The following KCNIP4 variants were observed in gnomAD, a reference collection of about 807,000 sequenced individuals.
KCNIP4 encodes the protein Kv channel-interacting protein 4.
A neutral mutation model predicts 34.0 loss-of-function variants in KCNIP4; 12 were observed. The ratio of observed to expected loss-of-function variants is 0.35; its 90% confidence interval spans 0.23 to 0.57. The LOEUF is 0.57. Ranked by LOEUF, KCNIP4 falls within the 20% of genes least tolerant of loss-of-function variation. The pLI is 0.83. For missense variants in KCNIP4, 238 were observed against 311.7 expected, an observed-to-expected ratio of 0.76 and a Z score of 1.78; for synonymous variants, 124 against 102.2, an observed-to-expected ratio of 1.21 and a Z score of -1.29.
intron 1 of KCNIP4, among the ~76,000 whole-genome samples, chr4:21,371,650 T>A (rs1314796257): frequency 6.8e-6 from 1 of 147,228 alleles, no homozygotes; most frequent in African/African-American, 2.7e-5. Flanking sequence ...ATGTTAGTTG[T>A]TATTCTATAT....
chr4:21,655,276 C>T (rs1747831165), intron 1 of KCNIP4, among the ~76,000 whole-genome samples: 1 of 151,988 alleles, frequency 6.6e-6, no homozygotes, highest in South Asian at 2.1e-4. Context: ...GAGGAGATGG[C>T]TACTTAATAG....
chr4:21,501,715 T>TGTGTGTGTGC lies in KCNIP4; in HGVS notation c.61+446855_61+446856insGCACACACAC, dbSNP rs569245544. Among the ~76,000 whole-genome samples the TGTGTGTGTGC allele has an allele frequency of 2.7e-4, 40 of 150,852 alleles. 1 individual carries two copies. The South Asian group carries it at 6.2e-3, about 23-fold the overall frequency. On this transcript the variant is annotated intron_variant, in intron 1 of 8. Transcript: ENST00000382152. The stretch of plus-strand genomic sequence containing the variant: ...GTGTGTGTGTGTGTGTGTGTGTGTG[T>TGTGTGTGTGC]GCGTTGGAAGGGGCAGTTTATATGT...
intron 1 of KCNIP4, among the ~76,000 whole-genome samples, chr4:21,175,211 A>G (rs1170156266): frequency 6.6e-6 from 1 of 152,122 alleles, no homozygotes; most frequent in Non-Finnish European, 1.5e-5. Flanking sequence ...ATTTGGGACT[A>G]ATTTCCTTGA....
intron 1 of KCNIP4, among the ~76,000 whole-genome samples, chr4:20,962,550 T>A (rs1001429330): frequency 6.6e-6 from 1 of 152,230 alleles, no homozygotes; most frequent in Admixed American, 6.5e-5. Flanking sequence ...TTGTCAGGTA[T>A]ACATACAGAC....
At chr4:20,824,634 T>G (rs1359422224) in intron 3 of KCNIP4, among the ~76,000 whole-genome samples, 1 of 152,104 alleles carries the variant, frequency 6.6e-6, no homozygotes, top group Non-Finnish European at 1.5e-5. Context: ...GAGCCGAGAT[T>G]GCACTTCTGC....
At chr4:20,960,292 G>T (rs566715848) in intron 1 of KCNIP4, among the ~76,000 whole-genome samples, 14 of 152,180 alleles carry the variant, frequency 9.2e-5, no homozygotes, top group African/African-American at 3.1e-4. Context: ...GCCCTCCAGA[G>T]TTTTTAAAAA....
chr4:21,275,661 A>T (rs1307305052), intron 1 of KCNIP4, among the ~76,000 whole-genome samples: 1 of 152,230 alleles, frequency 6.6e-6, no homozygotes, highest in Non-Finnish European at 1.5e-5. Context: ...AATAAATAGT[A>T]GATGGCTGGG....
At chr4:21,527,836 TAGTG>T (rs1277970171) in intron 1 of KCNIP4, among the ~76,000 whole-genome samples, 1 of 152,124 alleles carries the variant, frequency 6.6e-6, no homozygotes, top group African/African-American at 2.4e-5. Flanking sequence ...TAGTCAAAAT[TAGTG>T]AGGTATGGTT....
At chr4:21,943,022 G>T (rs943352585) in intron 1 of KCNIP4, among the ~76,000 whole-genome samples, 1 of 152,190 alleles carries the variant, frequency 6.6e-6, no homozygotes, top group African/African-American at 2.4e-5. Flanking sequence ...GCCTCCCAAA[G>T]TGCTGAGATT....
At chr4:20,772,835 G>T (rs891866433) in intron 3 of KCNIP4, among the ~76,000 whole-genome samples, 2 of 151,784 alleles carry the variant, frequency 1.3e-5, no homozygotes, top group Admixed American at 6.6e-5. Context: ...TGGAGACGAG[G>T]TTTCACCATG....
At chr4:20,820,922 G>T (rs1002979214) in intron 3 of KCNIP4, among the ~76,000 whole-genome samples, 9 of 152,218 alleles carry the variant, frequency 5.9e-5, no homozygotes, top group African/African-American at 1.9e-4. Flanking sequence ...CACCCACCTG[G>T]TGCTAACTGC....
At chr4:21,106,697 C>CA (rs1748577160) in intron 1 of KCNIP4, among the ~76,000 whole-genome samples, 1 of 151,418 alleles carries the variant, frequency 6.6e-6, no homozygotes, top group African/African-American at 2.5e-5. Context: ...GTTAGGGTGT[C>CA]AGTTTTGGAT....
At chr4:21,280,128 G>A (rs144665883) in intron 1 of KCNIP4, among the ~76,000 whole-genome samples, 2,110 of 151,858 alleles carry the variant, frequency 0.014, 21 homozygotes, top group South Asian at 0.024. Context: ...TTCTTTTGTC[G>A]GCCTATGCAA....
intron 1 of KCNIP4, among the ~76,000 whole-genome samples, chr4:21,519,781 G>GTA (rs1345544300): frequency 2.3e-4 from 31 of 135,706 alleles, no homozygotes; most frequent in African/African-American, 8.1e-4. Context: ...ACACACGTGT[G>GTA]TGTATGTGTG....
chr4:20,788,315 C>G (rs1712271742), intron 3 of KCNIP4, among the ~76,000 whole-genome samples: 1 of 152,108 alleles, frequency 6.6e-6, no homozygotes, highest in South Asian at 2.1e-4. Flanking sequence ...CCCTGAAGTG[C>G]ATTAGAATAA....
At chr4:21,592,919 C>T (rs1033383744) in intron 1 of KCNIP4, among the ~76,000 whole-genome samples, 3 of 151,962 alleles carry the variant, frequency 2.0e-5, no homozygotes, top group Non-Finnish European at 2.9e-5. Flanking sequence ...GAGCATGAGG[C>T]TCTCATGGCT....
intron 1 of KCNIP4, among the ~76,000 whole-genome samples, chr4:21,254,558 T>G (rs928315010): frequency 6.6e-6 from 1 of 152,210 alleles, no homozygotes; most frequent in African/African-American, 2.4e-5. Flanking sequence ...AAAAATGCAC[T>G]ACATTTTAAA....
chr4:21,595,302 C>G (rs1198758865), intron 1 of KCNIP4, among the ~76,000 whole-genome samples: 1 of 152,078 alleles, frequency 6.6e-6, no homozygotes, highest in Non-Finnish European at 1.5e-5. Flanking sequence ...CCGTCCATGT[C>G]CCTGCACAGG....
intron 1 of KCNIP4, among the ~76,000 whole-genome samples, chr4:20,972,673 A>G (rs1353644124): frequency 4.6e-5 from 7 of 152,134 alleles, no homozygotes; most frequent in Middle Eastern, 3.2e-3. Context: ...GTGCGGACCC[A>G]AAGAGTGAGC....
Sources: gnomAD v4.1 joint callset for allele counts (sites outside exome capture counted in the v4.1 genomes callset) on GRCh38, gnomAD v4.1.1 for gene constraint, MANE v1.5 for transcripts, NCBI Gene and HGNC (gene_info 2026-07-23, HGNC 2026-07-21) for gene names.